Variants in DGKG observed in about 807,000 individuals in gnomAD.
DGKG encodes the protein DAG kinase gamma.
A neutral mutation model predicts 105.3 loss-of-function variants in DGKG; 78 were observed. The observed-to-expected ratio is 0.74, with a 90% CI of 0.62 to 0.89. DGKG has a LOEUF of 0.89. DGKG is among the 40% of genes least tolerant of loss of function. The pLI is 0.00. For synonymous variants in DGKG, 346 were observed against 367.1 expected (o/e 0.94, Z 0.66); for missense variants, 958 against 1,020.1 (o/e 0.94, Z 0.83).
At position 186,258,010 on chromosome 3, in the gene DGKG, A is replaced by G. The variant is rs1334984092; in HGVS notation, c.1425-71T>C. The G allele has an allele frequency of 1.6e-4, 180 of 1,137,282 alleles. 1 individual carries two copies. Among genetic ancestry groups the G allele is most frequent in the Non-Finnish European group, 1.4e-4 (102 of 748,202 alleles). 70.4% of individuals were successfully genotyped at this position (1,137,282 alleles called of 1,614,324 possible). ...AGCTGACATTGATACATGTTGAGTC[A>G]GAGTCTGCCCTGTTCCCCAGGAGTA... is the stretch of plus-strand genomic sequence containing the variant. On this transcript the variant is annotated intron_variant, in intron 16 of 24. Coordinates refer to ENST00000265022, the MANE Select transcript of DGKG (RefSeq NM_001346.3).
chr3:186,169,803 A>G lies in DGKG; in HGVS notation c.2096-4785T>C, dbSNP rs193085966. On this transcript the variant is annotated intron_variant, in intron 22 of 24. Coordinates refer to ENST00000265022, the MANE Select transcript of DGKG (RefSeq NM_001346.3). Reference sequence around the variant, plus strand: ...CCCTCCCAGGTAGATATAGTCAAAGAAAGAACAAGGAAGATAAGGGCATTG... The same window carrying G: ...CCCTCCCAGGTAGATATAGTCAAAGGAAGAACAAGGAAGATAAGGGCATTG... Among the ~76,000 whole-genome samples, 3 of 152,352 alleles carry G rather than the reference A, an allele frequency of 2.0e-5. No homozygotes were observed. The East Asian group carries it at 5.8e-4, about 29-fold the overall frequency.
chr3:186,292,343 T>A (rs974554449), intron 5 of DGKG, among the ~76,000 whole-genome samples: 1 of 152,210 alleles, frequency 6.6e-6, no homozygotes, highest in Non-Finnish European at 1.5e-5. Context: ...ACACAAAGTA[T>A]GTGTGTGTGA....
At chr3:186,242,669 C>G (rs1177757356) in intron 19 of DGKG, 101 bp from the exon 20 acceptor site, 6 of 975,042 alleles carry the variant, frequency 6.2e-6, no homozygotes, top group Non-Finnish European at 6.1e-6. Flanking sequence ...CATGCCAACC[C>G]TGGGACTCTA....
rs760320577 is a variant in DGKG, at chr3:186,288,773, G to A, written c.481C>T (p.Leu161=). 73 of 1,614,012 alleles carry A rather than the reference G, an allele frequency of 4.5e-5. No homozygotes were observed. Among genetic ancestry groups the A allele is most frequent in the Non-Finnish European group, 5.8e-5 (69 of 1,179,996 alleles). Residue 161 remains leucine (L), a synonymous_variant, in exon 6 of 25, where the codon CTG becomes TTG. Transcript: ENST00000265022. The part of the protein sequence containing the change: ...SSSSESPVVY[L]KDVVCYLSLL... ...GACAGGTAGCACACAACATCCTTCA[G>A]GTATACCACTGGGGATTCCGAGCTT...
rs147828516 is a variant in DGKG, at chr3:186,277,687, C to T, written c.793-2023G>A. On this transcript the variant is annotated intron_variant, in intron 9 of 24. Coordinates refer to ENST00000265022, the MANE Select transcript of DGKG (RefSeq NM_001346.3). ...TGGACCGTGACTTGGGATAAAGTAA[C>T]GTTTCTGCTTGGGTTATAGCACCAT... is the stretch of plus-strand genomic sequence containing the variant. 3.4e-3 allele frequency among the ~76,000 whole-genome samples: 516 copies of T among 152,254 alleles called. 6 individuals are homozygous for T. Among genetic ancestry groups the T allele is most frequent in the African/African-American group, 0.011 (465 of 41,558 alleles).
intron 2 of DGKG, among the ~76,000 whole-genome samples, chr3:186,318,132 A>T (rs745413342): frequency 8.5e-5 from 13 of 152,154 alleles, no homozygotes; most frequent in Non-Finnish European, 1.6e-4. Context: ...CCTGGCCTGG[A>T]AACTGCCTGA....
intron 20 of DGKG, among the ~76,000 whole-genome samples, chr3:186,228,340 G>A (rs1719955113): frequency 6.6e-6 from 1 of 152,028 alleles, no homozygotes; most frequent in Admixed American, 6.5e-5. Flanking sequence ...GGGTCTTTCT[G>A]ACTAACACTC....
chr3:186,293,795 G>A (rs1723418548), intron 5 of DGKG, among the ~76,000 whole-genome samples: 1 of 152,216 alleles, frequency 6.6e-6, no homozygotes, highest in African/African-American at 2.4e-5. Context: ...CTGATTGAAG[G>A]TGAGTCCAGG....
intron 24 of DGKG, chr3:186,158,727 C>T: frequency 4.1e-6 from 4 of 971,638 alleles, no homozygotes; most frequent in Non-Finnish European, 4.9e-6. Flanking sequence ...TTCTCAATAT[C>T]TGTCTGTCAA....
At chr3:186,240,771 C>T (rs905131101) in intron 20 of DGKG, among the ~76,000 whole-genome samples, 15 of 148,598 alleles carry the variant, frequency 1.0e-4, no homozygotes, top group African/African-American at 3.7e-4. Context: ...GATCGCGCCA[C>T]TGCACTCCAG....
At chr3:186,253,933 T>C (rs1721339364) in intron 17 of DGKG, among the ~76,000 whole-genome samples, 1 of 152,106 alleles carries the variant, frequency 6.6e-6, no homozygotes, top group Non-Finnish European at 1.5e-5. Flanking sequence ...AACCTCCAGG[T>C]GTTATTTGGC....
intron 1 of DGKG, among the ~76,000 whole-genome samples, chr3:186,338,196 G>GAAA (rs1560162400): frequency 2.0e-5 from 3 of 149,232 alleles, no homozygotes; most frequent in African/African-American, 7.5e-5. Context: ...AAAGAAAGAA[G>GAAA]GAAAAGTAGA....
chr3:186,211,969 C>A, intron 20 of DGKG, 84 bp from the exon 21 acceptor site: 2 of 1,083,554 alleles, frequency 1.8e-6, no homozygotes, highest in Non-Finnish European at 2.8e-6. Flanking sequence ...GATTGGGAGG[C>A]CCAAGCCTTC....
rs574782806 is a variant in DGKG at position 186,211,884 on chromosome 3, T to C, written c.1828A>G (p.Met610Val). Residue 610 changes from methionine (M) to valine (V), a missense_variant and splice_region_variant, in exon 21 of 25, where the codon ATG becomes GTG. Physicochemically the swap from Met to Val is conservative, Grantham distance 21 (BLOSUM62 1). Transcript: ENST00000265022. The part of the protein sequence containing the change: ...EKHPEKFNSR[M>V]KNKLWYFEFG... ...TCAAAGTACCACAGCTTGTTCTTCA[T>C]CCTGGACCACAAAGCAGAGAGATGT... 112 of 1,613,194 alleles carry C rather than the reference T, an allele frequency of 6.9e-5. No homozygotes were observed. The South Asian group carries it at 1.1e-3, about 16-fold the overall frequency.
rs34230259 is a variant in DGKG, at chr3:186,148,959, TTATA to T, written c.*1127_*1130del. Reference sequence around the variant, plus strand: ...GAAAAGTCCATCAGTAAATAAATATTTATATATATATATATATAAATATATAGGC... The same window carrying T: ...GAAAAGTCCATCAGTAAATAAATATTTATATATATATATAAATATATAGGC... On this transcript the variant is annotated 3_prime_UTR_variant, in exon 25 of 25. Coordinates refer to ENST00000265022, the MANE Select transcript of DGKG (RefSeq NM_001346.3). The T allele has an allele frequency of 4.8e-6, 3 of 625,188 alleles. No individual in the cohort carries two copies. The highest frequency in any genetic ancestry group is 5.9e-6 in the Non-Finnish European group (3 of 505,948). The allele number at this position is 625,188 out of a possible 1,614,324, so 38.7% of individuals were successfully genotyped here.
intron 22 of DGKG, among the ~76,000 whole-genome samples, chr3:186,180,265 T>C (rs958148037): frequency 1.3e-5 from 2 of 152,056 alleles, no homozygotes; most frequent in Non-Finnish European, 2.9e-5. Context: ...ATGGGGAAGA[T>C]AATGACTAGT....
chr3:186,193,445 C>T (rs1418541743), intron 21 of DGKG, among the ~76,000 whole-genome samples: 1 of 152,260 alleles, frequency 6.6e-6, no homozygotes, highest in Non-Finnish European at 1.5e-5. Flanking sequence ...TCCCCAACCT[C>T]TGTGCCATGA....
At chr3:186,292,516 GGGCACGGT>G (rs1353346871) in intron 5 of DGKG, among the ~76,000 whole-genome samples, 1 of 152,152 alleles carries the variant, frequency 6.6e-6, no homozygotes, top group Non-Finnish European at 1.5e-5. Flanking sequence ...TCCCAAGGCC[GGGCACGGT>G]GGCTCATACC....
intron 17 of DGKG, among the ~76,000 whole-genome samples, chr3:186,256,982 G>A (rs1721506741): frequency 6.6e-6 from 1 of 152,174 alleles, no homozygotes; most frequent in South Asian, 2.1e-4. Flanking sequence ...TCTACATGGT[G>A]TGCTCCATGA....
Sources: gnomAD v4.1 joint callset for allele counts (sites outside exome capture counted in the v4.1 genomes callset) on GRCh38, gnomAD v4.1.1 for gene constraint, MANE v1.5 for transcripts, NCBI Gene and HGNC (gene_info 2026-07-23, HGNC 2026-07-21) for gene names.